Variants in RAB6A observed in about 807,000 individuals in gnomAD.
RAB6A encodes RAB6A, member RAS oncogene family, also known as ras-related protein Rab-6A.
RAB6A carries 8 observed loss-of-function variants against 32.3 expected under a neutral mutation model. The ratio of observed to expected loss-of-function variants is 0.25; its 90% confidence interval spans 0.15 to 0.45. The LOEUF is 0.45. RAB6A is among the 20% of genes least tolerant of loss of function. RAB6A has a pLI of 1.00. For synonymous variants in RAB6A, 73 were observed against 82.1 expected (o/e 0.89, Z 0.60); for missense variants, 104 against 249.4 (o/e 0.42, Z 3.93).
chr11:73,744,511 CAAAAAAAAAAAAAAAAAAAAAAA>C lies in RAB6A; in HGVS notation c.71-13711_71-13689del, dbSNP rs555388622. On this transcript the variant is annotated intron_variant, in intron 1 of 7. Coordinates refer to ENST00000336083, the MANE Select transcript of RAB6A (RefSeq NM_198896.2). ...GGGCAACAGAGTGAGACCCTGTCTCCAAAAAAAAAAAAAAAAAAAAAAAAAAAAAAAAAAAAGAATTTTAGATG... is the reference window on the plus strand; with the variant it reads ...GGGCAACAGAGTGAGACCCTGTCTCCAAAAAAAAAAAAAGAATTTTAGATG... Among the ~76,000 whole-genome samples, 21 of 63,748 alleles carry C rather than the reference CAAAAAAAAAAAAAAAAAAAAAAA, an allele frequency of 3.3e-4. 1 individual carries two copies. In the South Asian group the frequency reaches 8.3e-3, roughly 25 times the overall value. 41.8% of individuals were successfully genotyped at this position (63,748 alleles called of 152,430 possible). A position where few individuals can be genotyped will look rare whatever the true frequency, so the allele number is the denominator to read the frequency against.
chr11:73,713,794 T>C (rs1946004704), intron 5 of RAB6A, among the ~76,000 whole-genome samples: 1 of 152,164 alleles, frequency 6.6e-6, no homozygotes, highest in Admixed American at 6.6e-5. Context: ...TGTAATTCTT[T>C]TAAATGTGAA....
intron 1 of RAB6A, among the ~76,000 whole-genome samples, chr11:73,759,593 T>G (rs187589736): frequency 6.6e-6 from 1 of 152,326 alleles, no homozygotes; most frequent in African/African-American, 2.4e-5. Flanking sequence ...CAAAGATGTT[T>G]GTTATTCCAA....
At chr11:73,691,323 C>T (rs1424723758) in intron 6 of RAB6A, among the ~76,000 whole-genome samples, 1 of 152,124 alleles carries the variant, frequency 6.6e-6, no homozygotes, top group African/African-American at 2.4e-5. Flanking sequence ...GCCAGAGCAT[C>T]CCCTGGGCAC....
chr11:73,728,592 G>A (rs1030175921), intron 2 of RAB6A, among the ~76,000 whole-genome samples: 14 of 89,770 alleles, frequency 1.6e-4, no homozygotes, highest in South Asian at 7.9e-4. Flanking sequence ...GGGCAACATA[G>A]CAAATCTGTC....
chr11:73,732,220 TATCA>T (rs1946326898), intron 1 of RAB6A, among the ~76,000 whole-genome samples: 1 of 152,102 alleles, frequency 6.6e-6, no homozygotes. Flanking sequence ...AAAAAAACCT[TATCA>T]ATTAGAAAGG....
intron 2 of RAB6A, among the ~76,000 whole-genome samples, chr11:73,728,590 T>C (rs1279966270): frequency 2.2e-5 from 3 of 134,776 alleles, no homozygotes; most frequent in Non-Finnish European, 4.8e-5. Context: ...CTGGGCAACA[T>C]AGCAAATCTG....
intron 6 of RAB6A, among the ~76,000 whole-genome samples, chr11:73,681,158 TC>T (rs545750138): frequency 9.8e-5 from 15 of 152,340 alleles, no homozygotes; most frequent in African/African-American, 3.1e-4. Context: ...TCATTCTGTG[TC>T]TTTGAGACAC....
At chr11:73,733,560 A>T (rs10437751) in intron 1 of RAB6A, among the ~76,000 whole-genome samples, 40,698 of 142,106 alleles carry the variant, frequency 0.29, 6,200 homozygotes, top group African/African-American at 0.43. Flanking sequence ...CAAAAAAAAA[A>T]AAATAAATAA....
chr11:73,726,514 G>A (rs1298015979), intron 2 of RAB6A, among the ~76,000 whole-genome samples: 8 of 133,756 alleles, frequency 6.0e-5, no homozygotes, highest in African/African-American at 1.3e-4. Context: ...CCTGGGAGGC[G>A]GAGCTTGCAG....
chr11:73,731,745 CATA>C (rs1946316170), intron 1 of RAB6A, among the ~76,000 whole-genome samples: 1 of 90,774 alleles, frequency 1.1e-5, no homozygotes, highest in Non-Finnish European at 2.1e-5. Context: ...CACACACACA[CATA>C]TTTTCTTTTT....
chr11:73,750,482 G>T (rs948064043), intron 1 of RAB6A, among the ~76,000 whole-genome samples: 9 of 151,850 alleles, frequency 5.9e-5, no homozygotes, highest in Non-Finnish European at 2.9e-5. Context: ...CAGTCTCCAG[G>T]GCAGCTGGGA....
chr11:73,739,007 C>T (rs556758060), intron 1 of RAB6A, among the ~76,000 whole-genome samples: 1 of 150,998 alleles, frequency 6.6e-6, no homozygotes, highest in Admixed American at 6.7e-5. Context: ...GTGGCTCATG[C>T]CTGTAATCCC....
intron 1 of RAB6A, among the ~76,000 whole-genome samples, chr11:73,753,122 T>C (rs180671643): frequency 6.6e-6 from 1 of 152,226 alleles, no homozygotes; most frequent in East Asian, 2.0e-4. Context: ...CAATGGCGAA[T>C]GCCTCTAATC....
chr11:73,721,422 G>A (rs1007308345), intron 2 of RAB6A, among the ~76,000 whole-genome samples: 1 of 152,126 alleles, frequency 6.6e-6, no homozygotes, highest in Admixed American at 6.5e-5. Flanking sequence ...ATTAGGTAAG[G>A]AAAACAAGTT....
At chr11:73,709,093 T>TCTGCAG (rs1945897926) in intron 5 of RAB6A, among the ~76,000 whole-genome samples, 1 of 152,208 alleles carries the variant, frequency 6.6e-6, no homozygotes, top group African/African-American at 2.4e-5. Flanking sequence ...TAGCCCTAAA[T>TCTGCAG]ACTTCAGCAG....
intron 1 of RAB6A, among the ~76,000 whole-genome samples, chr11:73,737,883 G>A (rs1367611862): frequency 6.6e-6 from 1 of 150,688 alleles, no homozygotes; most frequent in Non-Finnish European, 1.5e-5. Context: ...TGTAATCCCA[G>A]CTACTCGGGA....
chr11:73,740,717 C>T (rs923850316), intron 1 of RAB6A, among the ~76,000 whole-genome samples: 9 of 151,884 alleles, frequency 5.9e-5, no homozygotes, highest in East Asian at 1.9e-4. Context: ...GGTGAAACCC[C>T]GTCTCTACTA....
At chr11:73,692,970 AAAACAAAACAAAAAAAC>A (rs1298362900) in intron 6 of RAB6A, among the ~76,000 whole-genome samples, 2 of 43,858 alleles carry the variant, frequency 4.6e-5, no homozygotes, top group Non-Finnish European at 7.9e-5. Context: ...AAAACAAAAC[AAAACAAAACAAAAAAAC>A]AAAAAACAAA....
In RAB6A at chr11:73,710,256, G is replaced by A. The variant is rs1470888979; in HGVS notation, c.402-2743C>T. On this transcript the variant is annotated intron_variant, in intron 5 of 7. Transcript: ENST00000336083. ...GCTGGGATTACAGGCGTGAGCCACC[G>A]CGCCCGGCCCCCATGCTTATATTTT... 4.0e-5 allele frequency among the ~76,000 whole-genome samples: 6 copies of A among 150,090 alleles called. No homozygotes were observed. In the East Asian group the frequency reaches 7.8e-4, roughly 20 times the overall value.
Sources: gnomAD v4.1 joint callset for allele counts (sites outside exome capture counted in the v4.1 genomes callset) on GRCh38, gnomAD v4.1.1 for gene constraint, MANE v1.5 for transcripts, NCBI Gene and HGNC (gene_info 2026-07-23, HGNC 2026-07-21) for gene names.